The following APPL1 variants were observed in gnomAD, a reference collection of about 807,000 sequenced individuals.
APPL1 encodes DCC-interacting protein 13-alpha.
In APPL1, 42 loss-of-function variants were observed where a neutral mutation model predicts 106.8. The ratio of observed to expected loss-of-function variants is 0.39; its 90% CI spans 0.31 to 0.51. The LOEUF (loss-of-function observed/expected upper bound fraction) is 0.51. Among genes scored for constraint, APPL1 ranks in the 20% least tolerant of loss-of-function variants. The pLI is 0.75. For synonymous variants in APPL1, 263 were observed against 281.8 expected, an observed-to-expected ratio of 0.93 and a Z score of 0.67; for missense variants, 769 against 858.2, an observed-to-expected ratio of 0.90 and a Z score of 1.30.
Position 57,229,046 on chromosome 3 carries a change from T to A in APPL1, c.54+1109T>A, listed in dbSNP as rs551825033. Among the ~76,000 whole-genome samples, 6 of 152,348 alleles carry A rather than the reference T, an allele frequency of 3.9e-5. 1 individual carries two copies. In the South Asian group the frequency reaches 1.2e-3, roughly 32 times the overall value. ...CTCTGATTGTAGAATTGATTTGTTC[T>A]TTTTTATTCTGAAAGTTATCTTCAC... On this transcript the variant is annotated intron_variant, in intron 1 of 21. Coordinates refer to ENST00000288266, the MANE Select transcript of APPL1 (RefSeq NM_012096.3).
intron 1 of APPL1, among the ~76,000 whole-genome samples, chr3:57,229,360 G>A (rs1327859263): frequency 4.0e-5 from 6 of 151,732 alleles, no homozygotes; most frequent in Admixed American, 2.6e-4. Flanking sequence ...GACTATAAAC[G>A]GCTCAGAATG....
chr3:57,258,307 G>GC (rs1439605802), intron 15 of APPL1, among the ~76,000 whole-genome samples: 1 of 152,110 alleles, frequency 6.6e-6, no homozygotes, highest in Non-Finnish European at 1.5e-5. Context: ...ACAGGCGTGC[G>GC]CCACCACACC....
At chr3:57,246,304 T>C (rs769256413) in intron 8 of APPL1, 82 bp downstream of exon 8, 24 of 1,052,810 alleles carry the variant, frequency 2.3e-5, no homozygotes, top group Non-Finnish European at 2.8e-5. Context: ...TATAAGGGTA[T>C]TATAAACTAT....
intron 13 of APPL1, 148 bp from the exon 14 acceptor site, chr3:57,256,809 T>C: frequency 1.6e-6 from 1 of 607,166 alleles, no homozygotes; most frequent in Non-Finnish European, 2.9e-6. Context: ...ACCCTAATAT[T>C]AAGACGAGGG....
At chr3:57,267,950 G>C (rs2060905260) in intron 20 of APPL1, 158 bp downstream of exon 20, 2 of 736,624 alleles carry the variant, frequency 2.7e-6, no homozygotes, top group South Asian at 3.4e-5. Context: ...AAATTAGTTG[G>C]GTGTGGTGTC....
chr3:57,270,725 T>C lies in APPL1; in HGVS notation c.*1038T>C. On this transcript the variant is annotated 3_prime_UTR_variant, in exon 22 of 22. Transcript: ENST00000288266. ...TTGATAAAGTACTGAATCACCACTTTATATCCACAAAGGCAAATAACTAAT... is the reference window on the plus strand; with the variant it reads ...TTGATAAAGTACTGAATCACCACTTCATATCCACAAAGGCAAATAACTAAT... 6.6e-6 allele frequency: 1 copy of C among 152,652 alleles called. No homozygotes were observed. The highest frequency in any genetic ancestry group is 2.1e-4 in the South Asian group (1 of 4,826). 9.5% of individuals were successfully genotyped at this position (152,652 alleles called of 1,614,324 possible). A position where few individuals can be genotyped will look rare whatever the true frequency, so the allele number is the denominator to read the frequency against.
In APPL1 at chr3:57,248,364, T is replaced by C. The variant is rs1185183753; in HGVS notation, c.863+13T>C. The C allele has an allele frequency of 6.2e-7, 1 of 1,611,194 alleles. No individual in the cohort carries two copies. The highest frequency in any genetic ancestry group is 1.1e-5 in the South Asian group (1 of 90,880). ...TTAATGCTAGGAAGTAAGAAAACTA[T>C]TGTTATTTTTGTATATTGTGTATCA... On this transcript the variant is annotated intron_variant, in intron 10 of 21. Transcript: ENST00000288266.
chr3:57,255,068 G>T (rs1055168974), intron 13 of APPL1, among the ~76,000 whole-genome samples: 3 of 152,212 alleles, frequency 2.0e-5, no homozygotes, highest in Non-Finnish European at 4.4e-5. Context: ...ATTTTGTGTG[G>T]CAAGGATATC....
chr3:57,242,993 G>C, intron 7 of APPL1, 79 bp downstream of exon 7: 1 of 1,007,422 alleles, frequency 9.9e-7, no homozygotes, highest in South Asian at 1.4e-5. Context: ...TCAAAATAGA[G>C]CCAGCAGTTA....
At chr3:57,245,548 G>GTT (rs1003933764) in intron 7 of APPL1, among the ~76,000 whole-genome samples, 6 of 134,410 alleles carry the variant, frequency 4.5e-5, no homozygotes, top group Non-Finnish European at 3.0e-5. Context: ...TCAATATGCA[G>GTT]TTTTTTTTTT....
At chr3:57,239,621 T>G (rs1015211207) in intron 4 of APPL1, among the ~76,000 whole-genome samples, 1 of 152,232 alleles carries the variant, frequency 6.6e-6, no homozygotes, top group Non-Finnish European at 1.5e-5. Flanking sequence ...ATTATGAGCA[T>G]TCATATACAA....
At chr3:57,252,186 C>T in intron 11 of APPL1, 83 bp from the exon 12 acceptor site, 1 of 1,154,846 alleles carries the variant, frequency 8.7e-7, no homozygotes, top group Middle Eastern at 2.2e-4. Flanking sequence ...ATGCCTTTAA[C>T]TTTAAAGATT....
chr3:57,246,065 T>C lies in APPL1; in HGVS notation c.475-11T>C. On this transcript the variant is annotated splice_polypyrimidine_tract_variant and intron_variant, in intron 7 of 21. Coordinates refer to ENST00000288266, the MANE Select transcript of APPL1 (RefSeq NM_012096.3). ...TTATTTACTTAATTATTTAAATCTT[T>C]TCATTCAAAGGTGAAGTATGAAGTA... 1 of 1,553,054 alleles carries C rather than the reference T, an allele frequency of 6.4e-7. No homozygotes were observed. Among genetic ancestry groups the C allele is most frequent in the Non-Finnish European group, 8.7e-7 (1 of 1,153,820 alleles).
chr3:57,257,314 C>A lies in APPL1; in HGVS notation c.1316C>A (p.Ala439Asp). The A allele has an allele frequency of 5.0e-6, 8 of 1,614,116 alleles. No homozygotes were observed. Among genetic ancestry groups the A allele is most frequent in the Non-Finnish European group, 6.8e-6 (8 of 1,180,020 alleles). ...GSLGSESTNL[A>D]ALSLDSLVAP... ...TTAGGATCTGAGTCTACAAATTTGG[C>A]TGCCCTCTCTCTAGATTCTCTTGTT... The change falls in exon 15 of 22, where the codon GCT becomes GAT. Residue 439 changes from alanine (A) to aspartate (D), a missense_variant. Coordinates refer to ENST00000288266, the MANE Select transcript of APPL1 (RefSeq NM_012096.3).
intron 10 of APPL1, 140 bp downstream of exon 10, chr3:57,248,491 A>G (rs2107603193): frequency 1.1e-6 from 1 of 878,172 alleles, no homozygotes; most frequent in East Asian, 2.7e-5. Flanking sequence ...ATTTATGTGA[A>G]CTTTTTGACA....
At chr3:57,247,304 A>G (rs977837698) in intron 8 of APPL1, 91 bp from the exon 9 acceptor site, 3 of 687,586 alleles carry the variant, frequency 4.4e-6, no homozygotes, top group African/African-American at 3.7e-5. Flanking sequence ...TTACTTAACC[A>G]TGTGTCTTAG....
At chr3:57,260,514 G>C in intron 18 of APPL1, 114 bp from the exon 19 acceptor site, 1 of 957,508 alleles carries the variant, frequency 1.0e-6, no homozygotes, top group Non-Finnish European at 1.4e-6. Context: ...AAAATAATTG[G>C]CTTTAATATA....
intron 13 of APPL1, 126 bp downstream of exon 13, chr3:57,253,864 T>G: frequency 5.7e-6 from 2 of 350,910 alleles, no homozygotes; most frequent in South Asian, 9.5e-5. Context: ...ATGAGTAGCT[T>G]TTTTTTTTTT....
At chr3:57,237,187 C>A (rs1226095614) in intron 2 of APPL1, among the ~76,000 whole-genome samples, 2 of 152,150 alleles carry the variant, frequency 1.3e-5, no homozygotes, top group Non-Finnish European at 2.9e-5. Context: ...AACGTAGATG[C>A]TCTAAAGATT....
Sources: allele counts gnomAD v4.1 joint callset (sites outside exome capture counted in the v4.1 genomes callset), GRCh38; gene constraint gnomAD v4.1.1; transcripts MANE v1.5; gene names NCBI Gene and HGNC (gene_info 2026-07-23, HGNC 2026-07-21).